Variants in FHIT observed in about 807,000 individuals in gnomAD.
FHIT encodes the protein fragile histidine triad diadenosine triphosphatase.
FHIT carries 19 observed loss-of-function variants against 17.9 expected under a neutral mutation model. That is an observed-to-expected ratio of 1.06 (90% CI 0.74 to 1.56). FHIT has a LOEUF of 1.56. Among genes scored for constraint, FHIT ranks in the 40% most tolerant of loss-of-function variants. FHIT has a pLI of 0.00. For missense variants in FHIT, 248 were observed against 189.2 expected (o/e 1.31, Z -1.82); for synonymous variants, 81 against 69.7 (o/e 1.16, Z -0.81).
At chr3:60,692,224 A>C (rs1330114608) in intron 4 of FHIT, among the ~76,000 whole-genome samples, 1 of 152,204 alleles carries the variant, frequency 6.6e-6, no homozygotes, top group South Asian at 2.1e-4. Context: ...ATAGTGCTTT[A>C]ACTGTGACAG....
At chr3:61,050,990 G>T (rs945753205) in intron 2 of FHIT, among the ~76,000 whole-genome samples, 2 of 152,100 alleles carry the variant, frequency 1.3e-5, no homozygotes, top group African/African-American at 4.8e-5. Flanking sequence ...GAGTTTTGAT[G>T]CTTCCCTTTC....
At position 60,585,937 on chromosome 3, in the gene FHIT, C is replaced by G. The variant is rs1281297247; in HGVS notation, c.-17-48958G>C. 2.0e-5 allele frequency among the ~76,000 whole-genome samples: 3 copies of G among 151,878 alleles called. No individual in the cohort carries two copies. In the East Asian group the frequency reaches 5.8e-4, roughly 29 times the overall value. On this transcript the variant is annotated intron_variant, in intron 4 of 9. Coordinates refer to ENST00000492590, the MANE Select transcript of FHIT (RefSeq NM_002012.4). ...GAGCCCTTAGTATATTAATGTACATCAGAACTCTCCAAGTAGGGCATTAGA... is the reference window on the plus strand; with the variant it reads ...GAGCCCTTAGTATATTAATGTACATGAGAACTCTCCAAGTAGGGCATTAGA...
chr3:61,054,048 G>A (rs143692205), intron 2 of FHIT, among the ~76,000 whole-genome samples: 1 of 152,322 alleles, frequency 6.6e-6, no homozygotes, highest in Non-Finnish European at 1.5e-5. Flanking sequence ...GGCTCTCACA[G>A]CCCAGCTAGT....
intron 5 of FHIT, among the ~76,000 whole-genome samples, chr3:60,430,613 AG>A (rs1327577639): frequency 6.6e-6 from 1 of 152,070 alleles, no homozygotes; most frequent in East Asian, 1.9e-4. Flanking sequence ...TCTCTAAGGC[AG>A]GATACTTCAC....
chr3:60,157,211 CA>C (rs1181958767), intron 5 of FHIT, among the ~76,000 whole-genome samples: 1 of 152,084 alleles, frequency 6.6e-6, no homozygotes, highest in Admixed American at 6.5e-5. Context: ...TTGAAAAATG[CA>C]AAAGGGCCTG....
At chr3:61,210,388 T>G (rs1470614351) in intron 1 of FHIT, among the ~76,000 whole-genome samples, 1 of 152,232 alleles carries the variant, frequency 6.6e-6, no homozygotes, top group African/African-American at 2.4e-5. Flanking sequence ...TGTTTGTCTG[T>G]GCCCGGCCCC....
intron 3 of FHIT, among the ~76,000 whole-genome samples, chr3:60,905,266 T>A (rs970430635): frequency 6.1e-4 from 93 of 152,182 alleles, no homozygotes; most frequent in Admixed American, 2.5e-3. Context: ...GCCTATGAGA[T>A]TGTCAAAAGT....
intron 5 of FHIT, among the ~76,000 whole-genome samples, chr3:60,148,027 A>C (rs1437075888): frequency 3.9e-5 from 6 of 152,118 alleles, no homozygotes; most frequent in Admixed American, 3.9e-4. Context: ...TTTCCATGGG[A>C]TGTGCTAGAT....
At chr3:60,940,602 T>C (rs1476327910) in intron 3 of FHIT, among the ~76,000 whole-genome samples, 1 of 152,204 alleles carries the variant, frequency 6.6e-6, no homozygotes, top group Non-Finnish European at 1.5e-5. Flanking sequence ...GAGGGTTATA[T>C]GATGACATCT....
At chr3:60,829,671 G>A (rs1461942193) in intron 3 of FHIT, among the ~76,000 whole-genome samples, 1 of 152,122 alleles carries the variant, frequency 6.6e-6, no homozygotes, top group Non-Finnish European at 1.5e-5. Flanking sequence ...TGGATGGAAA[G>A]CATTTAATAA....
rs1407326047 is a variant in FHIT at position 60,722,707 on chromosome 3, C to A, written c.-18+99212G>T. ...CTGGTTGAAAACTGTTACCTTAAATCTTTTTTTTTTTTTTTTTTTTTTTTA... is the reference window on the plus strand; with the variant it reads ...CTGGTTGAAAACTGTTACCTTAAATATTTTTTTTTTTTTTTTTTTTTTTTA... On this transcript the variant is annotated intron_variant, in intron 4 of 9. Coordinates refer to ENST00000492590, the MANE Select transcript of FHIT (RefSeq NM_002012.4). Among the ~76,000 whole-genome samples, 168 of 104,964 alleles carry A rather than the reference C, an allele frequency of 1.6e-3. 1 individual carries two copies. The highest frequency in any genetic ancestry group is 5.8e-3 in the African/African-American group (159 of 27,272). The allele number at this position is 104,964 out of a possible 152,430, so 68.9% of individuals were successfully genotyped here. A position where few individuals can be genotyped will look rare whatever the true frequency, so the allele number is the denominator to read the frequency against.
chr3:61,209,611 T>C (rs1257331093), intron 1 of FHIT, among the ~76,000 whole-genome samples: 1 of 152,232 alleles, frequency 6.6e-6, no homozygotes, highest in Non-Finnish European at 1.5e-5. Flanking sequence ...CATCGGCTAC[T>C]GAGGCTTGTG....
At chr3:59,983,252 T>C (rs74278837) in intron 7 of FHIT, among the ~76,000 whole-genome samples, 5,344 of 152,182 alleles carry the variant, frequency 0.035, 162 homozygotes, top group Admixed American at 0.092. Flanking sequence ...CAGGACTCTT[T>C]TGGAACAAAA....
At chr3:60,174,744 TTA>T (rs1170466709) in intron 5 of FHIT, among the ~76,000 whole-genome samples, 1 of 152,106 alleles carries the variant, frequency 6.6e-6, no homozygotes, top group Non-Finnish European at 1.5e-5. Context: ...TATTGCACAA[TTA>T]TGTCTATCTA....
chr3:60,629,366 A>G (rs1345793632), intron 4 of FHIT, among the ~76,000 whole-genome samples: 1 of 152,094 alleles, frequency 6.6e-6, no homozygotes, highest in African/African-American at 2.4e-5. Flanking sequence ...AGTGCTTTTG[A>G]TTTGTCATAT....
At chr3:60,583,834 T>TTCAGAA (rs371125818) in intron 4 of FHIT, among the ~76,000 whole-genome samples, 1,806 of 152,186 alleles carry the variant, frequency 0.012, 33 homozygotes, top group African/African-American at 0.04. Context: ...CAGCTAGTAT[T>TTCAGAA]TCAGAATCAG....
chr3:60,600,830 TG>T (rs2038419924), intron 4 of FHIT, among the ~76,000 whole-genome samples: 1 of 152,196 alleles, frequency 6.6e-6, no homozygotes, highest in African/African-American at 2.4e-5. Flanking sequence ...ATATTATAGA[TG>T]TTCTTTTTAT....
chr3:59,910,598 T>C (rs1052775266), intron 8 of FHIT, among the ~76,000 whole-genome samples: 2 of 152,162 alleles, frequency 1.3e-5, no homozygotes, highest in African/African-American at 4.8e-5. Context: ...GGTCTTGAGT[T>C]ATTAGGTATG....
At chr3:60,599,684 TA>T (rs5849379) in intron 4 of FHIT, among the ~76,000 whole-genome samples, 17 of 143,960 alleles carry the variant, frequency 1.2e-4, no homozygotes, top group East Asian at 2.1e-4. Context: ...AAGGACAAGT[TA>T]AAAAAAAAAA....
Sources: allele counts gnomAD v4.1 joint callset (sites outside exome capture counted in the v4.1 genomes callset), GRCh38; gene constraint gnomAD v4.1.1; transcripts MANE v1.5; gene names NCBI Gene and HGNC (gene_info 2026-07-23, HGNC 2026-07-21).